CAMK1D: variants seen among roughly 807,000 people sequenced by gnomAD.
The protein encoded by CAMK1D is calcium/calmodulin-dependent protein kinase type 1D.
Under a neutral mutation model 47.7 loss-of-function variants are expected in CAMK1D, and 9 were observed. The observed-to-expected ratio is 0.19, with a 90% confidence interval of 0.11 to 0.33. CAMK1D has a LOEUF of 0.33. Ranked by LOEUF, CAMK1D falls within the 10% of genes least tolerant of loss-of-function variation. The pLI is 1.00. For synonymous variants in CAMK1D, 184 were observed against 184.9 expected, an observed-to-expected ratio of 0.99 and a Z score of 0.04; for missense variants, 291 against 488.7, an observed-to-expected ratio of 0.60 and a Z score of 3.81.
chr10:12,615,737 T>G (rs12184348), intron 2 of CAMK1D, among the ~76,000 whole-genome samples: 12,311 of 151,736 alleles, frequency 0.081, 587 homozygotes, highest in Admixed American at 0.16. Context: ...TGCATGTGTG[T>G]GGGGGTGTGT....
At chr10:12,534,966 G>A (rs1282076835) in intron 1 of CAMK1D, among the ~76,000 whole-genome samples, 2 of 152,176 alleles carry the variant, frequency 1.3e-5, no homozygotes, top group Non-Finnish European at 2.9e-5. Context: ...TAACTGCAAG[G>A]TTGGGAACTA....
At chr10:12,451,161 G>C (rs1432104861) in intron 1 of CAMK1D, among the ~76,000 whole-genome samples, 1 of 152,200 alleles carries the variant, frequency 6.6e-6, no homozygotes, top group Non-Finnish European at 1.5e-5. Flanking sequence ...AGTTCCATTG[G>C]AGGACTGGGG....
At chr10:12,482,819 G>C (rs1300542095) in intron 1 of CAMK1D, among the ~76,000 whole-genome samples, 1 of 152,172 alleles carries the variant, frequency 6.6e-6, no homozygotes, top group African/African-American at 2.4e-5. Context: ...TGTCACGACG[G>C]TGCTGGAGAG....
At chr10:12,587,340 G>A (rs763383243) in intron 2 of CAMK1D, among the ~76,000 whole-genome samples, 22 of 152,142 alleles carry the variant, frequency 1.4e-4, no homozygotes, top group Non-Finnish European at 2.5e-4. Context: ...ATCATATCCC[G>A]CATGCAAAAT....
At chr10:12,488,392 A>T (rs1321688340) in intron 1 of CAMK1D, among the ~76,000 whole-genome samples, 1 of 152,142 alleles carries the variant, frequency 6.6e-6, no homozygotes, top group African/African-American at 2.4e-5. Flanking sequence ...CACTATGAAC[A>T]TAAGCAGTGA....
At chr10:12,518,923 A>G (rs1302648520) in intron 1 of CAMK1D, among the ~76,000 whole-genome samples, 2 of 130,000 alleles carry the variant, frequency 1.5e-5, no homozygotes, top group African/African-American at 2.9e-5. Context: ...CGATTTCTCA[A>G]TTTTTTCCCC....
At chr10:12,814,140 A>G (rs968335532) in intron 6 of CAMK1D, 55 bp from the exon 7 acceptor site, 5 of 1,144,278 alleles carry the variant, frequency 4.4e-6, no homozygotes, top group Non-Finnish European at 6.6e-6. Flanking sequence ...CAAAGTGTAC[A>G]GTCACCACAC....
intron 1 of CAMK1D, among the ~76,000 whole-genome samples, chr10:12,387,329 G>A (rs1343021681): frequency 7.5e-6 from 1 of 134,018 alleles, no homozygotes; most frequent in Non-Finnish European, 1.6e-5. Flanking sequence ...AACTTTCATT[G>A]AGTTTGAGAT....
chr10:12,734,794 G>A (rs1346006955), intron 3 of CAMK1D, among the ~76,000 whole-genome samples: 1 of 151,850 alleles, frequency 6.6e-6, no homozygotes, highest in Non-Finnish European at 1.5e-5. Context: ...CTCTTTCTTT[G>A]TTGTCTGCAT....
intron 3 of CAMK1D, among the ~76,000 whole-genome samples, chr10:12,701,100 G>T (rs1344556309): frequency 1.3e-5 from 2 of 150,988 alleles, no homozygotes; most frequent in East Asian, 3.9e-4. Context: ...GTTGCCCATA[G>T]ATTCTTCTTT....
intron 1 of CAMK1D, among the ~76,000 whole-genome samples, chr10:12,528,736 C>CTTTTTT (rs34250007): frequency 5.1e-5 from 7 of 137,904 alleles, no homozygotes; most frequent in Non-Finnish European, 9.3e-5. Context: ...AAATCCTCAT[C>CTTTTTT]TTTTTTTTTT....
chr10:12,823,553 C>T (rs376699685), intron 8 of CAMK1D, among the ~76,000 whole-genome samples: 23 of 151,602 alleles, frequency 1.5e-4, no homozygotes, highest in East Asian at 9.7e-4. Flanking sequence ...TATTGTGAGC[C>T]GAGAGAGAGG....
chr10:12,785,718 C>T (rs1337850395), intron 5 of CAMK1D, among the ~76,000 whole-genome samples: 1 of 152,234 alleles, frequency 6.6e-6, no homozygotes, highest in African/African-American at 2.4e-5. Flanking sequence ...AAACTGGTAA[C>T]ACAACACTGG....
intron 3 of CAMK1D, among the ~76,000 whole-genome samples, chr10:12,727,183 G>A (rs1485779006): frequency 2.0e-5 from 3 of 152,232 alleles, no homozygotes; most frequent in Non-Finnish European, 4.4e-5. Context: ...GCAAAACTGA[G>A]CCTCGTTTTG....
chr10:12,411,702 G>A (rs1283479880), intron 1 of CAMK1D, among the ~76,000 whole-genome samples: 3 of 151,172 alleles, frequency 2.0e-5, no homozygotes, highest in Non-Finnish European at 4.4e-5. Context: ...GGGTTCAAGC[G>A]ATTCTTCTGC....
intron 3 of CAMK1D, among the ~76,000 whole-genome samples, chr10:12,713,277 A>C (rs1834003403): frequency 6.6e-6 from 1 of 152,132 alleles, no homozygotes; most frequent in Admixed American, 6.5e-5. Flanking sequence ...TCACCAAGTG[A>C]GTGCTGCTTT....
At chr10:12,577,001 C>T (rs913243165) in intron 2 of CAMK1D, among the ~76,000 whole-genome samples, 22 of 152,296 alleles carry the variant, frequency 1.4e-4, no homozygotes, top group African/African-American at 4.1e-4. Context: ...GGAGAGAGGC[C>T]GTGGAACCAG....
At chr10:12,365,615 T>A (rs1430686701) in intron 1 of CAMK1D, among the ~76,000 whole-genome samples, 1 of 151,906 alleles carries the variant, frequency 6.6e-6, no homozygotes, top group East Asian at 1.9e-4. Context: ...ATTTTTTGTA[T>A]TTTTAGTAGA....
chr10:12,526,368 G>A (rs1361439432), intron 1 of CAMK1D, among the ~76,000 whole-genome samples: 2 of 152,136 alleles, frequency 1.3e-5, no homozygotes, highest in Non-Finnish European at 2.9e-5. Flanking sequence ...TGTGTTTTAC[G>A]CATGAGCATT....
Sources: gnomAD v4.1 joint callset for allele counts (sites outside exome capture counted in the v4.1 genomes callset) on GRCh38, gnomAD v4.1.1 for gene constraint, MANE v1.5 for transcripts, NCBI Gene and HGNC (gene_info 2026-07-23, HGNC 2026-07-21) for gene names.